UNC79: variants seen among roughly 807,000 people sequenced by gnomAD.
UNC79 encodes unc-79 subunit of NALCN channel complex.
UNC79 carries 37 observed loss-of-function variants against 283.1 expected under a neutral mutation model. The observed-to-expected ratio is 0.13, with a 90% CI of 0.10 to 0.17. UNC79 has a LOEUF of 0.17. Among genes scored for constraint, UNC79 ranks in the 10% least tolerant of loss-of-function variants. The pLI is 1.00. For synonymous variants in UNC79, 1,107 were observed against 1,200.2 expected (o/e 0.92, Z 1.61); for missense variants, 2,272 against 3,211.1 (o/e 0.71, Z 7.07).
At chr14:93,512,408 C>T (rs1209093067) in intron 7 of UNC79, among the ~76,000 whole-genome samples, 3 of 151,872 alleles carry the variant, frequency 2.0e-5, no homozygotes, top group South Asian at 2.1e-4. Flanking sequence ...CTGAGCTTCT[C>T]GAATCTGTGG....
intron 18 of UNC79, among the ~76,000 whole-genome samples, chr14:93,579,189 A>T (rs1784165649): frequency 6.6e-6 from 1 of 152,172 alleles, no homozygotes; most frequent in East Asian, 1.9e-4. Context: ...CAGGCGTAAG[A>T]TATAATAATG....
rs763442246 is a variant in UNC79, at chr14:93,347,023, G to C, written c.-351+13500G>C. On this transcript the variant is annotated intron_variant, in intron 1 of 49. Coordinates refer to the UNC79 transcript ENST00000256339. ...GCAGAGCAAGTGGTGCTAAGCAGAG[G>C]GGGTGGGGCAAAGCACGGACTGCTG... Among the ~76,000 whole-genome samples, 23 of 151,768 alleles carry C rather than the reference G, an allele frequency of 1.5e-4. 1 individual carries two copies. The highest frequency in any genetic ancestry group is 2.0e-4 in the Admixed American group (3 of 15,244).
Position 93,477,745 on chromosome 14 carries a change from C to A in UNC79, c.619+17C>A, listed in dbSNP as rs2057884568. 1 of 1,595,518 alleles carries A rather than the reference C, an allele frequency of 6.3e-7. No individual in the cohort carries two copies. Among genetic ancestry groups the A allele is most frequent in the Admixed American group, 1.7e-5 (1 of 57,232 alleles). The stretch of plus-strand genomic sequence containing the variant: ...TGGCTATATGTAAGTCCAATCTTAC[C>A]TAATACTAGATTATTTTTATGTATG... On this transcript the variant is annotated intron_variant, in intron 4 of 48. Transcript: ENST00000555664.
chr14:93,405,198 G>A (rs778883883), intron 1 of UNC79, among the ~76,000 whole-genome samples: 3 of 151,378 alleles, frequency 2.0e-5, no homozygotes, highest in African/African-American at 4.9e-5. Context: ...TAGGAAAATC[G>A]CTTGAACCTG....
At chr14:93,613,742 C>T (rs2066482965) in intron 27 of UNC79, among the ~76,000 whole-genome samples, 2 of 152,058 alleles carry the variant, frequency 1.3e-5, no homozygotes, top group Admixed American at 1.3e-4. Flanking sequence ...ATCACTGTGC[C>T]TATTTTTTTT....
At chr14:93,607,929 C>G (rs2066001078) in intron 26 of UNC79, among the ~76,000 whole-genome samples, 1 of 152,166 alleles carries the variant, frequency 6.6e-6, no homozygotes. Context: ...TGCCTATTGA[C>G]CATTAAGATC....
chr14:93,489,781 C>T (rs1272400459), intron 5 of UNC79, among the ~76,000 whole-genome samples: 1 of 152,166 alleles, frequency 6.6e-6, no homozygotes, highest in Admixed American at 6.5e-5. Context: ...TGTGGCTTTG[C>T]GTGGCTCTAT....
intron 38 of UNC79, among the ~76,000 whole-genome samples, chr14:93,657,792 G>A (rs1352878458): frequency 6.6e-6 from 1 of 152,184 alleles, no homozygotes; most frequent in African/African-American, 2.4e-5. Context: ...TAGGGACCCT[G>A]CCTACAGGGT....
At chr14:93,505,731 T>G (rs972550918) in intron 7 of UNC79, among the ~76,000 whole-genome samples, 6 of 128,884 alleles carry the variant, frequency 4.7e-5, no homozygotes, top group African/African-American at 1.5e-4. Flanking sequence ...TCTCTCTCTC[T>G]TTTTTTTTTG....
At chr14:93,630,945 T>G (rs2067982488) in intron 31 of UNC79, 37 bp downstream of exon 33, 2 of 1,565,102 alleles carry the variant, frequency 1.3e-6, no homozygotes, top group African/African-American at 1.4e-5. Context: ...ATCTATGCAT[T>G]TATTTTGGAA....
chr14:93,597,514 G>A, exon 24 of UNC79: 1 of 1,613,484 alleles, frequency 6.2e-7, no homozygotes, highest in South Asian at 1.1e-5. Context: ...TCTCCTGCTT[G>A]ACACCATAAA....
intron 26 of UNC79, among the ~76,000 whole-genome samples, chr14:93,611,729 G>C (rs150204050): frequency 6.6e-6 from 1 of 152,244 alleles, no homozygotes; most frequent in Non-Finnish European, 1.5e-5. Flanking sequence ...ACCAAAGCTT[G>C]TCATCATTTA....
chr14:93,596,373 G>A (rs2065081191), intron 23 of UNC79, among the ~76,000 whole-genome samples: 1 of 152,208 alleles, frequency 6.6e-6, no homozygotes, highest in African/African-American at 2.4e-5. Context: ...AGTGGCTCAT[G>A]CCTGTAATCC....
At position 93,543,058 on chromosome 14, in the gene UNC79, G is replaced by A. The variant is rs116297421; in HGVS notation, c.1755+362G>A. Among the ~76,000 whole-genome samples, 635 of 150,108 alleles carry A rather than the reference G, an allele frequency of 4.2e-3. 7 individuals are homozygous for A. The highest frequency in any genetic ancestry group is 0.015 in the African/African-American group (598 of 40,796). ...TCCTGCCTCAGCCTCTGGAGTAGCC[G>A]GGAAGCTAAATATTTTTATTAAGAA... On this transcript the variant is annotated intron_variant, in intron 14 of 48. Transcript: ENST00000555664.
At chr14:93,462,487 A>G (rs950234497) in intron 1 of UNC79, among the ~76,000 whole-genome samples, 1 of 152,216 alleles carries the variant, frequency 6.6e-6, no homozygotes, top group South Asian at 2.1e-4. Flanking sequence ...TGTATGAAGC[A>G]GTTTATAATT....
At position 93,706,721 on chromosome 14, in the gene UNC79, C is replaced by G. The variant is rs149539999; in HGVS notation, c.7608C>G (p.Leu2536=). ...TTCGACAGCACTTATCTGCGGGACT[C>G]CAGCTTCGCCTCCAGGCTATTCAGA... The change falls in exon 49 of 49, where the codon CTC becomes CTG. Residue 2536 remains leucine, a synonymous_variant. Coordinates refer to ENST00000555664, the Ensembl canonical transcript of UNC79. 579 of 1,614,238 alleles carry G rather than the reference C, an allele frequency of 3.6e-4. 6 individuals are homozygous for G. The African/African-American group carries it at 7.1e-3, about 20-fold the overall frequency.
intron 35 of UNC79, 101 bp downstream of exon 38, chr14:93,646,747 C>A: frequency 2.3e-6 from 3 of 1,300,766 alleles, no homozygotes; most frequent in Non-Finnish European, 3.2e-6. Context: ...CAGTGGCTCG[C>A]GTCTGTAATC....
chr14:93,699,162 T>C (rs1297168577), intron 47 of UNC79, among the ~76,000 whole-genome samples: 1 of 152,232 alleles, frequency 6.6e-6, no homozygotes, highest in African/African-American at 2.4e-5. Context: ...GATTGAGGTT[T>C]TTAGATCATT....
chr14:93,428,364 A>G (rs775097498), upstream of UNC79, among the ~76,000 whole-genome samples: 8 of 152,226 alleles, frequency 5.3e-5, no homozygotes, highest in Admixed American at 2.0e-4. Context: ...TTAGAGGCAT[A>G]GGTTTGGAAA....
Sources: allele counts gnomAD v4.1 joint callset (sites outside exome capture counted in the v4.1 genomes callset), GRCh38; gene constraint gnomAD v4.1.1; transcripts MANE v1.5; gene names NCBI Gene and HGNC (gene_info 2026-07-23, HGNC 2026-07-21).